LDB2: variants seen among roughly 807,000 people sequenced by gnomAD.
LDB2 encodes LIM domain binding 2.
Under a neutral mutation model 44.3 loss-of-function variants are expected in LDB2, and 12 were observed. That is an observed-to-expected ratio of 0.27 (90% CI 0.17 to 0.44). The LOEUF (loss-of-function observed/expected upper bound fraction) is 0.44. LDB2 is among the 20% of genes least tolerant of loss of function. The probability of loss-of-function intolerance (pLI) is 1.00; values close to 1 mark genes in which losing one functional copy is unlikely to be tolerated. For missense variants in LDB2, 344 were observed against 473.5 expected (o/e 0.73, Z 2.54); for synonymous variants, 164 against 174.8 (o/e 0.94, Z 0.49).
In LDB2 at chr4:16,533,949, A is replaced by G. The variant is rs762468778; in HGVS notation, c.616-21845T>C. Among the ~76,000 whole-genome samples, 10 of 152,200 alleles carry G rather than the reference A, an allele frequency of 6.6e-5. No individual in the cohort carries two copies. The highest frequency in any genetic ancestry group is 1.0e-4 in the Non-Finnish European group (7 of 68,034). ...AATAATACTCTAAACCACATTCATA[A>G]TAATATAATTAGCAATACAATTCAT... On this transcript the variant is annotated intron_variant, in intron 5 of 7. Transcript: ENST00000304523. The surrounding 1 kb of genome is among the most constrained non-coding windows in gnomAD (Gnocchi z 4.1).
chr4:16,773,630 A>G (rs1052790452), intron 1 of LDB2, among the ~76,000 whole-genome samples: 2 of 152,098 alleles, frequency 1.3e-5, no homozygotes, highest in Non-Finnish European at 2.9e-5. Flanking sequence ...AATACAGATG[A>G]AGCTTCATTC....
At chr4:16,506,228 T>G (rs925967272) in intron 7 of LDB2, 9 of 427,150 alleles carry the variant, frequency 2.1e-5, no homozygotes, top group Non-Finnish European at 2.9e-5. Flanking sequence ...TTAATGTCCA[T>G]TCAACTCCAG....
At chr4:16,831,040 T>C (rs1162415337) in intron 1 of LDB2, among the ~76,000 whole-genome samples, 2 of 152,158 alleles carry the variant, frequency 1.3e-5, no homozygotes, top group Non-Finnish European at 2.9e-5. Flanking sequence ...GAATCTATTA[T>C]TGAGCAATCA....
intron 2 of LDB2, among the ~76,000 whole-genome samples, chr4:16,696,260 G>A (rs1752101828): frequency 6.6e-6 from 1 of 152,160 alleles, no homozygotes; most frequent in Non-Finnish European, 1.5e-5. Flanking sequence ...TATATGTGGT[G>A]GGCTGCCCTT....
intron 2 of LDB2, among the ~76,000 whole-genome samples, chr4:16,736,357 C>T (rs185759084): frequency 3.8e-4 from 58 of 152,318 alleles, no homozygotes; most frequent in Non-Finnish European, 6.5e-4. Flanking sequence ...GAGTTTCTGT[C>T]CCCAAAAAGC....
At chr4:16,894,322 A>G (rs1724288870) in intron 1 of LDB2, among the ~76,000 whole-genome samples, 1 of 152,202 alleles carries the variant, frequency 6.6e-6, no homozygotes. Context: ...CCTGGGAATT[A>G]CAGTGAACAA....
At chr4:16,574,734 G>A (rs538726875) in intron 5 of LDB2, among the ~76,000 whole-genome samples, 1 of 152,186 alleles carries the variant, frequency 6.6e-6, no homozygotes, top group Non-Finnish European at 1.5e-5. Context: ...AGTACAGGAG[G>A]AGACTGGCAT....
chr4:16,595,772 G>C lies in LDB2; in HGVS notation c.339C>G (p.Asn113Lys). The C allele has an allele frequency of 6.2e-7, 1 of 1,613,898 alleles. No homozygotes were observed. Among genetic ancestry groups the C allele is most frequent in the Non-Finnish European group, 8.5e-7 (1 of 1,179,892 alleles). The part of the protein sequence containing the change: ...ILKHSKESYH[N>K]SSITVDCDQC... ...GGTCGCAGTCCACCGTGATGGATGA[G>C]TTGTGGTATGACTCTTTCGAGTGTT... Residue 113 changes from asparagine to lysine, a missense_variant, in exon 3 of 8, where the codon AAC (asparagine) becomes AAG (lysine). Asn to Lys is a moderately conservative substitution (Grantham distance 94). Around this residue, in one of 3 missense-constraint regions of LDB2, gnomAD observed 226 missense variants for 270.1 expected, o/e 0.84. Transcript: ENST00000304523.
chr4:16,732,321 A>C (rs981688876), intron 2 of LDB2, among the ~76,000 whole-genome samples: 4 of 152,218 alleles, frequency 2.6e-5, no homozygotes, highest in Admixed American at 2.0e-4. Flanking sequence ...TCCAGCACTC[A>C]CAATAACAAT....
chr4:16,782,694 A>T (rs1773559337), intron 1 of LDB2, among the ~76,000 whole-genome samples: 2 of 152,208 alleles, frequency 1.3e-5, no homozygotes, highest in South Asian at 4.1e-4. Flanking sequence ...AAGACTCACA[A>T]ACCCCAAGCA....
chr4:16,706,161 T>A (rs996083754), intron 2 of LDB2, among the ~76,000 whole-genome samples: 9 of 152,192 alleles, frequency 5.9e-5, no homozygotes, highest in Non-Finnish European at 1.2e-4. Context: ...CTAAGCCCCA[T>A]GTTAAGTCCT....
chr4:16,644,300 C>T (rs1736039575), intron 2 of LDB2, among the ~76,000 whole-genome samples: 1 of 152,188 alleles, frequency 6.6e-6, no homozygotes, highest in Non-Finnish European at 1.5e-5. Context: ...TATTTCATCC[C>T]AAGCTCCAGG....
chr4:16,796,858 G>A (rs1776839725), intron 1 of LDB2, among the ~76,000 whole-genome samples: 1 of 152,112 alleles, frequency 6.6e-6, no homozygotes, highest in Admixed American at 6.5e-5. Flanking sequence ...CAGCAGACAC[G>A]CCCAAAGGGA....
chr4:16,725,118 T>C (rs551028707), intron 2 of LDB2, among the ~76,000 whole-genome samples: 1 of 152,200 alleles, frequency 6.6e-6, no homozygotes, highest in South Asian at 2.1e-4. Context: ...ACAGTTCTCT[T>C]GGATAAATAT....
At chr4:16,856,102 C>G (rs1439676392) in intron 1 of LDB2, among the ~76,000 whole-genome samples, 1 of 152,122 alleles carries the variant, frequency 6.6e-6, no homozygotes, top group African/African-American at 2.4e-5. Flanking sequence ...TCAAACGAAA[C>G]AAATCAGCGG....
At chr4:16,888,281 G>A (rs551826454) in intron 1 of LDB2, among the ~76,000 whole-genome samples, 1 of 152,336 alleles carries the variant, frequency 6.6e-6, no homozygotes, top group South Asian at 2.1e-4. Context: ...ACCTTTTAAT[G>A]TTTTGTTGTC....
At chr4:16,846,938 G>A (rs1787137305) in intron 1 of LDB2, among the ~76,000 whole-genome samples, 1 of 152,164 alleles carries the variant, frequency 6.6e-6, no homozygotes, top group African/African-American at 2.4e-5. Flanking sequence ...TTTCCCAGAT[G>A]TCTAAATAAA....
intron 1 of LDB2, among the ~76,000 whole-genome samples, chr4:16,809,752 C>CT (rs1779468863): frequency 6.8e-6 from 1 of 146,386 alleles, no homozygotes; most frequent in African/African-American, 2.6e-5. Flanking sequence ...AAAAAAAAAA[C>CT]GGAACTACAT....
chr4:16,687,873 G>A (rs1578786546), intron 2 of LDB2, among the ~76,000 whole-genome samples: 1 of 152,160 alleles, frequency 6.6e-6, no homozygotes, highest in Admixed American at 6.5e-5. Flanking sequence ...TTCATCATAA[G>A]CAAAAATATG....
Sources: allele counts gnomAD v4.1 joint callset (sites outside exome capture counted in the v4.1 genomes callset), GRCh38; gene constraint gnomAD v4.1.1; regional missense constraint gnomAD v4.1.1; non-coding constraint Gnocchi (gnomAD v3.1); transcripts MANE v1.5; gene names NCBI Gene and HGNC (gene_info 2026-07-23, HGNC 2026-07-21).